Variants in HS3ST6 observed in about 807,000 individuals in gnomAD.
HS3ST6 encodes the protein heparan sulfate-glucosamine 3-sulfotransferase 6.
A neutral mutation model predicts 11.0 loss-of-function variants in HS3ST6; 13 were observed. That is an observed-to-expected ratio of 1.18 (90% CI 0.77 to 1.88). The LOEUF (loss-of-function observed/expected upper bound fraction) is 1.88. Among genes scored for constraint, HS3ST6 ranks in the 40% most tolerant of loss-of-function variants. HS3ST6 has a pLI of 0.00. For missense variants in HS3ST6, 541 were observed against 494.4 expected (o/e 1.09, Z -0.89); for synonymous variants, 232 against 230.6 (o/e 1.01, Z -0.06).
chr16:1,915,907 C>T (rs2082922611), intron 1 of HS3ST6, among the ~76,000 whole-genome samples: 1 of 130,252 alleles, frequency 7.7e-6, no homozygotes, highest in South Asian at 3.0e-4. Flanking sequence ...AGGTCGGTCA[C>T]AGCCCAGTGG....
intron 1 of HS3ST6, among the ~76,000 whole-genome samples, chr16:1,915,923 G>A (rs904605412): frequency 1.7e-4 from 26 of 151,128 alleles, no homozygotes; most frequent in Non-Finnish European, 2.7e-4. Context: ...AGTGGGAGCC[G>A]TGGCCCGGAG....
At chr16:1,913,051 C>T (rs1008723479) in intron 1 of HS3ST6, among the ~76,000 whole-genome samples, 1 of 152,198 alleles carries the variant, frequency 6.6e-6, no homozygotes, top group Non-Finnish European at 1.5e-5. Flanking sequence ...CTCAGCCTCC[C>T]AAAGTGCTGG....
In HS3ST6 at chr16:1,911,575, T is replaced by C; in HGVS notation, c.*15A>G. On this transcript the variant is annotated 3_prime_UTR_variant, in exon 2 of 2. Coordinates refer to ENST00000454677, the MANE Select transcript of HS3ST6 (RefSeq NM_001009606.4). The stretch of plus-strand genomic sequence containing the variant: ...CGGGTGTCAATCAAGGTGCTGAGCA[T>C]CCCCAGGGTGCCGCTCAGCCCCAGC... 1 of 1,580,750 alleles carries C rather than the reference T, an allele frequency of 6.3e-7. No homozygotes were observed.
chr16:1,919,964 G>A (rs995912686), upstream of HS3ST6, among the ~76,000 whole-genome samples: 5 of 152,270 alleles, frequency 3.3e-5, no homozygotes, highest in East Asian at 3.9e-4. Flanking sequence ...GGGCTGGCTC[G>A]GGGTGGGGGC....
chr16:1,916,177 ATG>A (rs2082925375), intron 1 of HS3ST6, among the ~76,000 whole-genome samples: 3 of 152,240 alleles, frequency 2.0e-5, no homozygotes, highest in African/African-American at 4.8e-5. Flanking sequence ...CTCGGAGAGC[ATG>A]AGGACACTTG....
At chr16:1,915,762 C>T (rs1354190991) in intron 1 of HS3ST6, among the ~76,000 whole-genome samples, 1 of 152,224 alleles carries the variant, frequency 6.6e-6, no homozygotes, top group Non-Finnish European at 1.5e-5. Flanking sequence ...GGGCTACAGT[C>T]CCCAAGTGGG....
chr16:1,911,617 C>T lies in HS3ST6; in HGVS notation c.1002G>A (p.Met334Ile). The change falls in exon 2 of 2, where the codon ATG becomes ATA. Residue 334 changes from methionine to isoleucine, a missense_variant. Transcript: ENST00000454677. ...YRPFNRRFYQMTGQDFGWG is the reference protein window; with the variant it reads ...YRPFNRRFYQITGQDFGWG ...AGCCCCAGCCGAAGTCCTGGCCCGT[C>T]ATCTGGTAGAACCTGCGGTTGAAGG... 6.2e-7 allele frequency: 1 copy of T among 1,607,290 alleles called. No homozygotes were observed. The highest frequency in any genetic ancestry group is 8.5e-7 in the Non-Finnish European group (1 of 1,177,114).
intron 1 of HS3ST6, 150 bp downstream of exon 1, chr16:1,917,761 G>A: frequency 4.3e-6 from 2 of 466,460 alleles, no homozygotes; most frequent in Non-Finnish European, 7.0e-6. Context: ...CCCAGGTCAA[G>A]CCTGGGGCCC....
At position 1,917,992 on chromosome 16, in the gene HS3ST6, C is replaced by G; in HGVS notation, c.332G>C (p.Arg111Pro). Residue 111 changes from arginine to proline, a missense_variant, in exon 1 of 2, where the codon CGG (arginine) becomes CCG (proline). By Grantham distance (103) the Arg-to-Pro change is moderately radical. Coordinates refer to ENST00000454677, the MANE Select transcript of HS3ST6 (RefSeq NM_001009606.4). The stretch of plus-strand genomic sequence containing the variant: ...CAGCGCGCGGACGTCGGGGTGCAGC[C>G]GCAGAAACTCCAGCAGGGCGCGCGT... ...GGTRALLEFL[R>P]LHPDVRALGS... 2 of 1,553,372 alleles carry G rather than the reference C, an allele frequency of 1.3e-6. No homozygotes were observed. The highest frequency in any genetic ancestry group is 1.7e-6 in the Non-Finnish European group (2 of 1,158,968).
rs200057891 is a variant in HS3ST6, at chr16:1,911,867, C to G, written c.752G>C (p.Arg251Pro). The G allele has an allele frequency of 3.1e-6, 5 of 1,607,658 alleles. No homozygotes were observed. The East Asian group carries it at 1.1e-4, about 36-fold the overall frequency. The change falls in exon 2 of 2, where the codon CGT becomes CCT. Residue 251 changes from arginine to proline, a missense_variant. By Grantham distance (103) the Arg-to-Pro change is moderately radical. Transcript: ENST00000454677. ...CTCTCCGGCCGGGTCGCTGACCAGA[C>G]GCTCCCCGCTGACGAACAGGAAGTG... The part of the protein sequence containing the change: ...LSHFLFVSGE[R>P]LVSDPAGEVG...
intron 1 of HS3ST6, among the ~76,000 whole-genome samples, chr16:1,914,339 C>T (rs899122268): frequency 1.9e-4 from 29 of 152,286 alleles, no homozygotes; most frequent in Non-Finnish European, 2.5e-4. Flanking sequence ...GGGGCACCCC[C>T]GTCCCTGAGA....
In HS3ST6 at chr16:1,918,162, G is replaced by C; in HGVS notation, c.162C>G (p.Ala54=). The part of the protein sequence containing the change: ...LCALPGRCPP[A]ARAPAPAPAP... ...CGGGGGCCGGCGCGGGGGCGCGGGC[G>C]GCCGGCGGGCAGCGGCCGGGGAGGG... is the stretch of plus-strand genomic sequence containing the variant. Residue 54 remains alanine, a synonymous_variant, in exon 1 of 2, where the codon GCC becomes GCG. Transcript: ENST00000454677. This position sits in a 1 kb window ranked among gnomAD's most constrained non-coding sequence, Gnocchi z 6.0. The C allele has an allele frequency of 1.8e-6, 2 of 1,139,662 alleles. No individual in the cohort carries two copies. Among genetic ancestry groups the C allele is most frequent in the Non-Finnish European group, 2.1e-6 (2 of 930,844 alleles). 70.6% of individuals were successfully genotyped at this position (1,139,662 alleles called of 1,614,324 possible).
rs202049960 is a variant in HS3ST6 at position 1,912,122 on chromosome 16, C to T, written c.497G>A (p.Arg166His). The change falls in exon 2 of 2, where the codon CGC becomes CAC. Residue 166 changes from arginine (R) to histidine (H), a missense_variant. Transcript: ENST00000454677. This position sits in a 1 kb window ranked among gnomAD's most constrained non-coding sequence, Gnocchi z 5.6. ...CGTGTCCGGGGACATGGCGTGGATGCGGCGGGGGGCCTCTCGCGTCACGAA... is the reference window on the plus strand; with the variant it reads ...CGTGTCCGGGGACATGGCGTGGATGTGGCGGGGGGCCTCTCGCGTCACGAA... ...SYFVTREAPR[R>H]IHAMSPDTKL... is the part of the protein sequence containing the mutation. 124 of 1,498,514 alleles carry T rather than the reference C, an allele frequency of 8.3e-5. No individual in the cohort carries two copies. In the East Asian group the frequency reaches 2.3e-3, roughly 28 times the overall value. 92.8% of individuals were successfully genotyped at this position (1,498,514 alleles called of 1,614,324 possible).
chr16:1,916,188 T>C (rs8043690), intron 1 of HS3ST6, among the ~76,000 whole-genome samples: 59,643 of 151,624 alleles, frequency 0.39, 11,944 homozygotes, highest in South Asian at 0.56. Context: ...TGAGGACACT[T>C]GCAATGCGGA....
At chr16:1,919,430 CAG>C (rs1293187722), upstream of HS3ST6, among the ~76,000 whole-genome samples, 1 of 152,196 alleles carries the variant, frequency 6.6e-6, no homozygotes, top group Admixed American at 6.5e-5. Flanking sequence ...GAGCCGGGCT[CAG>C]AGAGGGCGAG....
chr16:1,920,430 C>T (rs2082957931), upstream of HS3ST6, among the ~76,000 whole-genome samples: 2 of 151,944 alleles, frequency 1.3e-5, no homozygotes, highest in Middle Eastern at 3.5e-3. Flanking sequence ...CAGCCATCCC[C>T]ACGGTCTCAG....
Position 1,918,225 on chromosome 16 carries a change from C to G in HS3ST6, c.99G>C (p.Leu33=). The change falls in exon 1 of 2, where the codon CTG becomes CTC. Residue 33 remains leucine (L), a synonymous_variant. Coordinates refer to ENST00000454677, the MANE Select transcript of HS3ST6 (RefSeq NM_001009606.4). This position sits in a 1 kb window ranked among gnomAD's most constrained non-coding sequence, Gnocchi z 6.0. ...AALRASRAPM[L]LVALVLGAYC... Reference sequence around the variant, plus strand: ...AGGCGCCGAGCACCAGGGCCACGAGCAGCATCGGCGCGCGGGACGCCCGCA... The same window carrying G: ...AGGCGCCGAGCACCAGGGCCACGAGGAGCATCGGCGCGCGGGACGCCCGCA... 1 of 1,040,814 alleles carries G rather than the reference C, an allele frequency of 9.6e-7. No individual in the cohort carries two copies. The highest frequency in any genetic ancestry group is 1.2e-6 in the Non-Finnish European group (1 of 868,352). The allele number at this position is 1,040,814 out of a possible 1,614,324, so 64.5% of individuals were successfully genotyped here. A position where few individuals can be genotyped will look rare whatever the true frequency, so the allele number is the denominator to read the frequency against.
rs114370156 is a variant in HS3ST6 at position 1,917,285 on chromosome 16, C to T, written c.413+626G>A. Among the ~76,000 whole-genome samples the T allele has an allele frequency of 9.8e-3, 1,489 of 152,200 alleles. 25 individuals carry two copies. The highest frequency in any genetic ancestry group is 0.033 in the African/African-American group (1,381 of 41,520). ...CGCGGGCTGCTTCAGCTGAGGCTGC[C>T]GCACCCCCACGTCCATCCTGGGTAG... On this transcript the variant is annotated intron_variant, in intron 1 of 1. Transcript: ENST00000454677.
intron 1 of HS3ST6, among the ~76,000 whole-genome samples, chr16:1,914,573 C>T (rs140595923): frequency 1.3e-5 from 2 of 152,308 alleles, no homozygotes; most frequent in Non-Finnish European, 2.9e-5. Flanking sequence ...CCTTTCCTTT[C>T]CCAGATGGCA....
Sources: allele counts gnomAD v4.1 joint callset (sites outside exome capture counted in the v4.1 genomes callset), GRCh38; gene constraint gnomAD v4.1.1; non-coding constraint Gnocchi (gnomAD v3.1); transcripts MANE v1.5; gene names NCBI Gene and HGNC (gene_info 2026-07-23, HGNC 2026-07-21).